FBN2: variants seen among roughly 807,000 people sequenced by gnomAD.
FBN2 encodes the protein fibrillin-2.
FBN2 carries 105 observed loss-of-function variants against 355.6 expected under a neutral mutation model. The observed-to-expected ratio is 0.30, with a 90% CI of 0.25 to 0.35. FBN2 has a LOEUF of 0.35. Ranked by LOEUF, FBN2 falls within the 10% of genes least tolerant of loss-of-function variation. The pLI is 1.00. For synonymous variants in FBN2, 1,350 were observed against 1,301.2 expected (o/e 1.04, Z -0.81); for missense variants, 3,280 against 3,758.7 (o/e 0.87, Z 3.33).
intron 4 of FBN2, among the ~76,000 whole-genome samples, chr5:128,524,483 T>C (rs555604600): frequency 7.2e-5 from 11 of 152,322 alleles, no homozygotes; most frequent in Admixed American, 2.0e-4. Flanking sequence ...TCAATCAACA[T>C]TGCTGAATGA....
chr5:128,417,508 T>C (rs1380238389), intron 7 of FBN2, among the ~76,000 whole-genome samples: 2 of 152,168 alleles, frequency 1.3e-5, no homozygotes, highest in Non-Finnish European at 2.9e-5. Flanking sequence ...GCATTTTTAA[T>C]GTCGAGGTAT....
At chr5:128,426,156 A>G (rs900094298) in intron 7 of FBN2, among the ~76,000 whole-genome samples, 1 of 152,126 alleles carries the variant, frequency 6.6e-6, no homozygotes, top group Non-Finnish European at 1.5e-5. Context: ...AAATAGCTGA[A>G]TGGGGAGACT....
intron 5 of FBN2, among the ~76,000 whole-genome samples, chr5:128,512,876 A>C (rs1160257114): frequency 3.9e-5 from 6 of 152,328 alleles, no homozygotes; most frequent in Non-Finnish European, 8.8e-5. Context: ...ACCATTATTT[A>C]TTTCATTTAT....
intron 7 of FBN2, among the ~76,000 whole-genome samples, chr5:128,419,215 C>G (rs1025463497): frequency 2.0e-5 from 3 of 152,186 alleles, no homozygotes; most frequent in Non-Finnish European, 4.4e-5. Context: ...TCCTTATTCA[C>G]TTCAGTTGTT....
chr5:128,289,061 A>G (rs1464577695), intron 52 of FBN2, 66 bp downstream of exon 52: 23 of 1,547,606 alleles, frequency 1.5e-5, no homozygotes, highest in Non-Finnish European at 2.0e-5. Flanking sequence ...TACCTGAGAG[A>G]CCTTTTACTG....
intron 32 of FBN2, among the ~76,000 whole-genome samples, chr5:128,332,018 G>A (rs1415877655): frequency 6.6e-6 from 1 of 152,194 alleles, no homozygotes; most frequent in Non-Finnish European, 1.5e-5. Context: ...ATTGCAGGAT[G>A]TTATTTAGCA....
At chr5:128,522,002 CTTG>C (rs536313310) in intron 4 of FBN2, among the ~76,000 whole-genome samples, 1 of 152,008 alleles carries the variant, frequency 6.6e-6, no homozygotes, top group African/African-American at 2.4e-5. Context: ...ATATGGGTTT[CTTG>C]TTATTTTTAA....
At chr5:128,503,993 G>A (rs1437438095) in intron 5 of FBN2, among the ~76,000 whole-genome samples, 8 of 152,136 alleles carry the variant, frequency 5.3e-5, no homozygotes, top group Non-Finnish European at 1.2e-4. Context: ...ATAGTGCCCT[G>A]CATCTCAGCT....
chr5:128,487,440 G>A (rs1358959966), intron 5 of FBN2, among the ~76,000 whole-genome samples: 3 of 152,188 alleles, frequency 2.0e-5, no homozygotes, highest in African/African-American at 7.2e-5. Flanking sequence ...TCTCTTTAGA[G>A]TGAAATTTCT....
At position 128,273,966 on chromosome 5, in the gene FBN2, T is replaced by C; in HGVS notation, c.7714A>G (p.Asn2572Asp). The C allele has an allele frequency of 6.2e-7, 1 of 1,613,952 alleles. No homozygotes were observed. The highest frequency in any genetic ancestry group is 8.5e-7 in the Non-Finnish European group (1 of 1,179,872). The change falls in exon 61 of 65, where the codon AAC (asparagine) becomes GAC (aspartate). Residue 2572 changes from asparagine to aspartate, a missense_variant and splice_region_variant. By Grantham distance (23) the Asn-to-Asp change is conservative. Around this residue, in one of 6 missense-constraint regions of FBN2, gnomAD observed 2,284 missense variants for 2,749.5 expected, o/e 0.83. Coordinates refer to ENST00000262464, the MANE Select transcript of FBN2 (RefSeq NM_001999.4). Reference protein sequence around the residue: ...FTQHHTACIDNNECGSQPSLC... With the variant: ...FTQHHTACIDDNECGSQPSLC... The stretch of plus-strand genomic sequence containing the variant: ...GAAGGTTGAGACCCACATTCGTTGT[T>C]GTCTGGCAAAGCATCAAGAAGCAGA...
intron 27 of FBN2, 86 bp from the exon 28 acceptor site, chr5:128,336,199 C>A: frequency 2.2e-6 from 3 of 1,342,906 alleles, no homozygotes; most frequent in Non-Finnish European, 3.2e-6. Flanking sequence ...GCAGTGGTCT[C>A]CAAAGGGGTT....
intron 5 of FBN2, among the ~76,000 whole-genome samples, chr5:128,466,817 C>G (rs1160386715): frequency 4.6e-5 from 7 of 152,106 alleles, no homozygotes; most frequent in Admixed American, 4.6e-4. Flanking sequence ...ATATGGCAAC[C>G]TTATAAACAA....
In FBN2 at chr5:128,377,831, T is replaced by A; in HGVS notation, c.1770A>T (p.Arg590=). The A allele has an allele frequency of 6.2e-7, 1 of 1,613,606 alleles. No individual in the cohort carries two copies. Among genetic ancestry groups the A allele is most frequent in the Non-Finnish European group, 8.5e-7 (1 of 1,179,622 alleles). The change falls in exon 13 of 65, where the codon CGA becomes CGT. Residue 590 remains arginine, a synonymous_variant. Coordinates refer to ENST00000262464, the MANE Select transcript of FBN2 (RefSeq NM_001999.4). ...IQNGVLCKNG[R]CVNTDGSFQC... is the part of the protein sequence containing the mutation. ...GGAAACTTCCATCTGTGTTCACGCATCGACCGTTTTTACAAAGAACCCCAT... is the reference window on the plus strand; with the variant it reads ...GGAAACTTCCATCTGTGTTCACGCAACGACCGTTTTTACAAAGAACCCCAT...
intron 3 of FBN2, among the ~76,000 whole-genome samples, chr5:128,529,523 C>T (rs1232860402): frequency 1.3e-5 from 2 of 152,174 alleles, no homozygotes; most frequent in African/African-American, 4.8e-5. Context: ...CAAATGAATG[C>T]ACAGATTCCC....
Position 128,311,969 on chromosome 5 carries a change from A to C in FBN2, c.4880-16T>G. 1 of 1,587,648 alleles carries C rather than the reference A, an allele frequency of 6.3e-7. No homozygotes were observed. The highest frequency in any genetic ancestry group is 8.6e-7 in the Non-Finnish European group (1 of 1,156,466). ...TAATATTCAGCTACAAAACAATAGA[A>C]AAATAAGAGGTTTGATACCTGTGTC... On this transcript the variant is annotated splice_polypyrimidine_tract_variant and intron_variant, in intron 37 of 64. Transcript: ENST00000262464.
chr5:128,493,228 A>G (rs1216893281), intron 5 of FBN2, among the ~76,000 whole-genome samples: 1 of 152,110 alleles, frequency 6.6e-6, no homozygotes, highest in Non-Finnish European at 1.5e-5. Flanking sequence ...ACCATGATGC[A>G]CTCCAGTGGG....
intron 25 of FBN2, among the ~76,000 whole-genome samples, chr5:128,343,842 A>C (rs908071043): frequency 6.6e-6 from 1 of 152,164 alleles, no homozygotes; most frequent in African/African-American, 2.4e-5. Context: ...TGCTGTTCCT[A>C]AATATAAAAC....
At chr5:128,425,368 G>A (rs904314221) in intron 7 of FBN2, among the ~76,000 whole-genome samples, 2 of 152,068 alleles carry the variant, frequency 1.3e-5, no homozygotes, top group African/African-American at 4.8e-5. Context: ...CTCCCTTAAT[G>A]TTGGGCAAAA....
chr5:128,288,424 C>A lies in FBN2; in HGVS notation c.6757+14G>T. Reference sequence around the variant, plus strand: ...TGTCAAGAAGAAATAATATTTAAGACAAAGATCACTTGCCTTCACAATTCA... The same window carrying A: ...TGTCAAGAAGAAATAATATTTAAGAAAAAGATCACTTGCCTTCACAATTCA... On this transcript the variant is annotated intron_variant, in intron 53 of 64. Transcript: ENST00000262464. 3.7e-6 allele frequency: 6 copies of A among 1,613,624 alleles called. No individual in the cohort carries two copies. The highest frequency in any genetic ancestry group is 5.1e-6 in the Non-Finnish European group (6 of 1,179,728).
Sources: allele counts gnomAD v4.1 joint callset (sites outside exome capture counted in the v4.1 genomes callset), GRCh38; gene constraint gnomAD v4.1.1; regional missense constraint gnomAD v4.1.1; transcripts MANE v1.5; gene names NCBI Gene and HGNC (gene_info 2026-07-23, HGNC 2026-07-21).